The following SCHIP1 variants were observed in gnomAD, a reference collection of about 807,000 sequenced individuals.
SCHIP1 encodes schwannomin interacting protein 1, also known as schwannomin-interacting protein 1.
In SCHIP1, 8 loss-of-function variants were observed where a neutral mutation model predicts 29.7. That is an observed-to-expected ratio of 0.27 (90% CI 0.16 to 0.49). The LOEUF is 0.49. Among genes scored for constraint, SCHIP1 ranks in the 20% least tolerant of loss-of-function variants. The pLI is 0.99. For missense variants in SCHIP1, 193 were observed against 294.6 expected (o/e 0.66, Z 2.52); for synonymous variants, 76 against 94.9 (o/e 0.80, Z 1.16).
the SCHIP1 span, among the ~76,000 whole-genome samples, chr3:159,831,377 G>C: frequency 5.6e-3 from 847 of 152,238 alleles, 3 homozygotes; most frequent in Admixed American, 0.011. Context: ...TCTGACTACA[G>C]TAGTCTCCCC....
the SCHIP1 span, among the ~76,000 whole-genome samples, chr3:159,768,948 G>A: frequency 6.6e-6 from 1 of 152,220 alleles, no homozygotes; most frequent in East Asian, 1.9e-4. Flanking sequence ...TGGTGTCAGT[G>A]TGCTTCTCAC....
chr3:159,378,851 C>T, the SCHIP1 span, among the ~76,000 whole-genome samples: 1 of 152,204 alleles, frequency 6.6e-6, no homozygotes, highest in South Asian at 2.1e-4. Context: ...CCTATTGCTG[C>T]TCTTGCTGGT....
chr3:159,409,303 GA>G, the SCHIP1 span, among the ~76,000 whole-genome samples: 3 of 149,546 alleles, frequency 2.0e-5, no homozygotes, highest in East Asian at 2.0e-4. Context: ...TCAGACAATA[GA>G]AAAAAAAAGG....
chr3:159,620,672 G>A, the SCHIP1 span, among the ~76,000 whole-genome samples: 1 of 152,054 alleles, frequency 6.6e-6, no homozygotes, highest in East Asian at 2.0e-4. Flanking sequence ...TGTGGACTGG[G>A]TCCCACTCAG....
the SCHIP1 span, among the ~76,000 whole-genome samples, chr3:159,456,557 A>G: frequency 6.6e-6 from 1 of 152,218 alleles, no homozygotes; most frequent in African/African-American, 2.4e-5. Context: ...TAAATGATAC[A>G]TGATACATGT....
chr3:159,876,134 T>C (rs938283331), intron 2 of SCHIP1, among the ~76,000 whole-genome samples: 22 of 152,240 alleles, frequency 1.4e-4, no homozygotes, highest in Admixed American at 1.3e-4. Flanking sequence ...CTGCCATATT[T>C]GTCCCCCATT....
chr3:159,310,723 A>G, the SCHIP1 span, among the ~76,000 whole-genome samples: 1 of 152,208 alleles, frequency 6.6e-6, no homozygotes, highest in Admixed American at 6.5e-5. Context: ...GTGGTAGAGC[A>G]CGTTTCAAAT....
the SCHIP1 span, among the ~76,000 whole-genome samples, chr3:159,305,981 T>G: frequency 6.6e-6 from 1 of 152,148 alleles, no homozygotes; most frequent in Non-Finnish European, 1.5e-5. Context: ...TGCTAATGAG[T>G]TGTCTCTGTG....
the SCHIP1 span, among the ~76,000 whole-genome samples, chr3:159,513,991 T>C: frequency 2.0e-5 from 3 of 152,222 alleles, no homozygotes; most frequent in African/African-American, 7.2e-5. Flanking sequence ...CAAATTAGGC[T>C]ATCTTGATAG....
the SCHIP1 span, among the ~76,000 whole-genome samples, chr3:159,775,002 A>G: frequency 5.3e-5 from 8 of 152,074 alleles, 2 homozygotes; most frequent in African/African-American, 2.4e-5. Flanking sequence ...TTTATGGTTC[A>G]TGAAAGTGAC....
the SCHIP1 span, among the ~76,000 whole-genome samples, chr3:159,284,542 G>T: frequency 8.1e-4 from 123 of 152,274 alleles, 3 homozygotes; most frequent in South Asian, 0.024. Context: ...AGAATGGAGT[G>T]CAGTGGTGTA....
the SCHIP1 span, among the ~76,000 whole-genome samples, chr3:159,816,359 A>G: frequency 9.9e-5 from 15 of 151,964 alleles, no homozygotes; most frequent in Admixed American, 3.9e-4. Flanking sequence ...GCAGCCTCAA[A>G]CTCCTGGACT....
the SCHIP1 span, among the ~76,000 whole-genome samples, chr3:159,300,112 G>GCTTTTTTTTTTT: frequency 4.2e-5 from 2 of 47,636 alleles, no homozygotes; most frequent in Non-Finnish European, 9.5e-5. Flanking sequence ...AGGGAAAGCT[G>GCTTTTTTTTTTT]CTTTTTTTTT....
At chr3:159,648,158 C>G in the SCHIP1 span, among the ~76,000 whole-genome samples, 2 of 152,156 alleles carry the variant, frequency 1.3e-5, no homozygotes, top group African/African-American at 2.4e-5. Flanking sequence ...ACACTCCTCT[C>G]TACTCCCAGC....
chr3:159,687,923 C>T, the SCHIP1 span, among the ~76,000 whole-genome samples: 1 of 152,180 alleles, frequency 6.6e-6, no homozygotes, highest in Non-Finnish European at 1.5e-5. Flanking sequence ...CTGCAAAGGA[C>T]ACGAACTCAT....
the SCHIP1 span, among the ~76,000 whole-genome samples, chr3:159,482,017 A>G: frequency 2.6e-5 from 4 of 152,242 alleles, 1 homozygote; most frequent in Admixed American, 2.6e-4. Flanking sequence ...GTATGAGCGT[A>G]TGTGTATATG....
chr3:159,771,707 T>A, the SCHIP1 span, among the ~76,000 whole-genome samples: 159 of 137,478 alleles, frequency 1.2e-3, no homozygotes, highest in African/African-American at 4.2e-3. Context: ...TTTTTTTTTT[T>A]AAATTAGGTT....
At chr3:159,734,898 A>G in the SCHIP1 span, among the ~76,000 whole-genome samples, 2 of 149,776 alleles carry the variant, frequency 1.3e-5, no homozygotes, top group African/African-American at 2.5e-5. Flanking sequence ...TTAGGACTAC[A>G]GTTACTTCAT....
chr3:159,640,718 C>T, the SCHIP1 span, among the ~76,000 whole-genome samples: 1 of 152,108 alleles, frequency 6.6e-6, no homozygotes, highest in Non-Finnish European at 1.5e-5. Context: ...GAGGCTGTCT[C>T]CCCAAAACAC....
Sources: gnomAD v4.1 joint callset for allele counts (sites outside exome capture counted in the v4.1 genomes callset) on GRCh38, gnomAD v4.1.1 for gene constraint, MANE v1.5 for transcripts, NCBI Gene and HGNC (gene_info 2026-07-23, HGNC 2026-07-21) for gene names.